Variants in TCF7L2 observed in about 807,000 individuals in gnomAD.
The protein encoded by TCF7L2 is transcription factor 7 like 2, also known as transcription factor 7-like 2.
A neutral mutation model predicts 77.9 loss-of-function variants in TCF7L2; 23 were observed. The observed-to-expected ratio is 0.30, with a 90% confidence interval of 0.21 to 0.42. The LOEUF (loss-of-function observed/expected upper bound fraction) is 0.42. Ranked by LOEUF, TCF7L2 falls within the 10% of genes least tolerant of loss-of-function variation. TCF7L2 has a pLI of 1.00. For synonymous variants in TCF7L2, 413 were observed against 340.2 expected (o/e 1.21, Z -2.36); for missense variants, 654 against 793.1 (o/e 0.82, Z 2.11).
intron 4 of TCF7L2, among the ~76,000 whole-genome samples, chr10:113,013,074 C>T (rs1010770170): frequency 2.0e-5 from 3 of 150,948 alleles, no homozygotes; most frequent in Non-Finnish European, 2.9e-5. Flanking sequence ...CAGCAGCTCA[C>T]GCTTAAGACC....
rs1366558073 is a variant in TCF7L2 at position 112,984,543 on chromosome 10, A to G, written c.450+19919A>G. The stretch of plus-strand genomic sequence containing the variant: ...AATTTACTTAATTGCATAGCCCCCC[A>G]CCCCTTTTAAGTCCCCTCCCTCTAA... On this transcript the variant is annotated intron_variant, in intron 4 of 13. Coordinates refer to ENST00000627217, the MANE Select transcript of TCF7L2 (RefSeq NM_001146274.2). Among the ~76,000 whole-genome samples, 7 of 151,310 alleles carry G rather than the reference A, an allele frequency of 4.6e-5. 1 individual carries two copies. Among genetic ancestry groups the G allele is most frequent in the Non-Finnish European group, 1.0e-4 (7 of 67,888 alleles).
intron 6 of TCF7L2, 33 bp downstream of exon 6, chr10:113,141,349 G>A (rs2068335979): frequency 6.2e-7 from 1 of 1,613,810 alleles, no homozygotes; most frequent in East Asian, 2.2e-5. Flanking sequence ...AAGGTAGAGT[G>A]CTGGTCCTGG....
intron 12 of TCF7L2, 147 bp downstream of exon 13, chr10:113,158,864 G>T: frequency 1.4e-5 from 9 of 652,442 alleles, no homozygotes; most frequent in South Asian, 6.0e-5. Flanking sequence ...TGTTTCAGTA[G>T]ATTTTTTTTT....
chr10:112,964,813 G>GGTGGTGATGGTGGTGGTGGTGGTGGT (rs1564719445), intron 4 of TCF7L2, among the ~76,000 whole-genome samples, 189 bp downstream of exon 4: 68 of 98,420 alleles, frequency 6.9e-4, no homozygotes, highest in African/African-American at 6.4e-3. Flanking sequence ...TGGTGGTGGT[G>GGTGGTGATGGTGGTGGTGGTGGTGGT]GGGGGGGGTT....
intron 5 of TCF7L2, chr10:113,089,672 T>C: frequency 8.2e-7 from 1 of 1,218,132 alleles, no homozygotes; most frequent in Non-Finnish European, 1.1e-6. Flanking sequence ...TCACTGTCAT[T>C]TTGGGTGCCA....
At chr10:113,031,934 T>C (rs1436177790) in intron 4 of TCF7L2, among the ~76,000 whole-genome samples, 2 of 152,210 alleles carry the variant, frequency 1.3e-5, no homozygotes, top group Non-Finnish European at 2.9e-5. Context: ...GCTGCAGGAA[T>C]CCATGCATTG....
At chr10:113,137,030 T>C (rs1369655020) in intron 5 of TCF7L2, among the ~76,000 whole-genome samples, 2 of 152,196 alleles carry the variant, frequency 1.3e-5, no homozygotes, top group Admixed American at 1.3e-4. Flanking sequence ...CCTTTTTTTT[T>C]TTCTTTAACT....
At chr10:113,084,528 A>G (rs2059628751) in intron 5 of TCF7L2, among the ~76,000 whole-genome samples, 2 of 152,176 alleles carry the variant, frequency 1.3e-5, no homozygotes, top group Admixed American at 6.6e-5. Flanking sequence ...AAACTTATCT[A>G]AAAATATCCT....
At chr10:112,952,450 G>A (rs1336871039) in intron 3 of TCF7L2, among the ~76,000 whole-genome samples, 1 of 152,140 alleles carries the variant, frequency 6.6e-6, no homozygotes, top group African/African-American at 2.4e-5. Context: ...CAGCAGGGCT[G>A]AGTGGGGCGG....
At chr10:113,003,511 C>T (rs2044883691) in intron 4 of TCF7L2, among the ~76,000 whole-genome samples, 1 of 152,176 alleles carries the variant, frequency 6.6e-6, no homozygotes, top group Non-Finnish European at 1.5e-5. Flanking sequence ...CCTGTCCCTG[C>T]CCTCTCTTAT....
intron 5 of TCF7L2, chr10:113,129,887 T>C: frequency 2.3e-6 from 3 of 1,290,904 alleles, no homozygotes; most frequent in Non-Finnish European, 3.0e-6. Context: ...GACACAATTT[T>C]AGTGGGAATG....
At chr10:113,126,772 G>A (rs376561058) in intron 5 of TCF7L2, 1 of 985,478 alleles carries the variant, frequency 1.0e-6, no homozygotes, top group East Asian at 1.1e-4. Context: ...GGCGGGTGCT[G>A]CCCTCCAGTG....
chr10:113,138,974 T>C (rs931495094), intron 5 of TCF7L2, among the ~76,000 whole-genome samples: 4 of 152,144 alleles, frequency 2.6e-5, no homozygotes, highest in Non-Finnish European at 5.9e-5. Flanking sequence ...CCACTAGCCC[T>C]TTCTCTTCCC....
intron 5 of TCF7L2, among the ~76,000 whole-genome samples, chr10:113,098,240 T>C (rs1175837539): frequency 6.6e-6 from 1 of 151,994 alleles, no homozygotes; most frequent in Non-Finnish European, 1.5e-5. Flanking sequence ...CTTTCCTGTT[T>C]GGGACAGCAA....
chr10:112,977,956 T>C (rs2039745299), intron 4 of TCF7L2, among the ~76,000 whole-genome samples: 1 of 152,134 alleles, frequency 6.6e-6, no homozygotes, highest in South Asian at 2.1e-4. Flanking sequence ...TAAATGCTAT[T>C]GACAGCCCAA....
chr10:112,957,658 A>G (rs918532919), intron 3 of TCF7L2, among the ~76,000 whole-genome samples: 2 of 152,134 alleles, frequency 1.3e-5, no homozygotes, highest in African/African-American at 4.8e-5. Context: ...GGGCTGGGCT[A>G]TTAAAAAGGG....
intron 4 of TCF7L2, among the ~76,000 whole-genome samples, chr10:113,001,461 G>T (rs1396507841): frequency 1.3e-5 from 2 of 152,138 alleles, no homozygotes; most frequent in Non-Finnish European, 2.9e-5. Flanking sequence ...GGCTGGCTGG[G>T]TTACGGAGCC....
At chr10:113,126,805 C>T in intron 5 of TCF7L2, 1 of 986,204 alleles carries the variant, frequency 1.0e-6, no homozygotes. Flanking sequence ...GGCGCGGGCC[C>T]TGGGCAGCAT....
chr10:112,980,858 C>T (rs7080591), intron 4 of TCF7L2, among the ~76,000 whole-genome samples: 91,604 of 151,900 alleles, frequency 0.6, 27,885 homozygotes, highest in East Asian at 0.7. Context: ...GATCTCTTGA[C>T]CTCGTGATCC....
Sources: allele counts gnomAD v4.1 joint callset (sites outside exome capture counted in the v4.1 genomes callset), GRCh38; gene constraint gnomAD v4.1.1; transcripts MANE v1.5; gene names NCBI Gene and HGNC (gene_info 2026-07-23, HGNC 2026-07-21).